CA12: variants seen among roughly 807,000 people sequenced by gnomAD.
The protein encoded by CA12 is carbonate dehydratase XII.
A neutral mutation model predicts 46.8 loss-of-function variants in CA12; 36 were observed. The ratio of observed to expected loss-of-function variants is 0.77; its 90% CI spans 0.59 to 1.02. The LOEUF (loss-of-function observed/expected upper bound fraction) is 1.02. CA12 is among the 50% of genes least tolerant of loss of function. The pLI, the probability that CA12 is intolerant of heterozygous loss-of-function variation, is 0.00. For missense variants in CA12, 436 were observed against 451.4 expected (o/e 0.97, Z 0.31); for synonymous variants, 202 against 187.0 (o/e 1.08, Z -0.65).
chr15:63,326,425 C>T, intron 10 of CA12, 68 bp from the exon 11 acceptor site: 6 of 1,312,210 alleles, frequency 4.6e-6, no homozygotes, highest in South Asian at 1.2e-5. Flanking sequence ...CAGCCTGACT[C>T]AGGTATGGAA....
At position 63,355,503 on chromosome 15, in the gene CA12, C is replaced by G. The variant is rs2039283583; in HGVS notation, c.107-8794G>C. On this transcript the variant is annotated intron_variant, in intron 2 of 10. Coordinates refer to ENST00000178638, the MANE Select transcript of CA12 (RefSeq NM_001218.5). The surrounding 1 kb of genome is among the most constrained non-coding windows in gnomAD (Gnocchi z 4.1). ...ACACTCTGGGGGTGGCGCCCAGCAT[C>G]TGCCGTTGGACAAGGCTGCCAGGCG... Among the ~76,000 whole-genome samples the G allele has an allele frequency of 1.3e-5, 2 of 152,230 alleles. No individual in the cohort carries two copies. Among genetic ancestry groups the G allele is most frequent in the African/African-American group, 4.8e-5 (2 of 41,464 alleles).
Position 63,327,548 on chromosome 15 carries a change from G to C in CA12, c.908-315C>G, listed in dbSNP as rs1422049836. Among the ~76,000 whole-genome samples, 1 of 148,372 alleles carries C rather than the reference G, an allele frequency of 6.7e-6. No homozygotes were observed. The highest frequency in any genetic ancestry group is 1.5e-5 in the Non-Finnish European group (1 of 67,358). ...ACCCCCAGAGATTCAAAGTCAATCT[G>C]TTTGGTGCAGGGCCCGGGAATCTGC... is the stretch of plus-strand genomic sequence containing the variant. On this transcript the variant is annotated intron_variant, in intron 9 of 10. Transcript: ENST00000178638. This position sits in a 1 kb window ranked among gnomAD's most constrained non-coding sequence, Gnocchi z 4.5.
At position 63,376,503 on chromosome 15, in the gene CA12, C is replaced by G. The variant is rs79882216; in HGVS notation, c.86-825G>C. On this transcript the variant is annotated intron_variant, in intron 1 of 10. Coordinates refer to ENST00000178638, the MANE Select transcript of CA12 (RefSeq NM_001218.5). ...AATAGTGTTCTGTGTCTTGCTTTTT[C>G]CCACTTTACATTTTCTCTCTCTCTC... is the stretch of plus-strand genomic sequence containing the variant. Among the ~76,000 whole-genome samples the G allele has an allele frequency of 1.1e-3, 161 of 152,168 alleles. 3 individuals are homozygous for G. In the East Asian group the frequency reaches 0.028, roughly 26 times the overall value.
chr15:63,377,445 TG>T (rs1287232441), intron 1 of CA12, among the ~76,000 whole-genome samples: 6 of 151,922 alleles, frequency 3.9e-5, no homozygotes, highest in Admixed American at 3.9e-4. Flanking sequence ...TTAAGGAAAT[TG>T]TGTTTTTTAA....
In CA12 at chr15:63,329,807, C is replaced by T. The variant is rs1208142526; in HGVS notation, c.875-1677G>A. ...GCCTGGGGAACCAGATCTGAGGCTG[C>T]AGGGTGAGGTTTTGCTCACTGCCCC... On this transcript the variant is annotated intron_variant, in intron 8 of 10. Coordinates refer to ENST00000178638, the MANE Select transcript of CA12 (RefSeq NM_001218.5). The surrounding 1 kb of genome is among the most constrained non-coding windows in gnomAD (Gnocchi z 4.8). Among the ~76,000 whole-genome samples the T allele has an allele frequency of 1.3e-5, 2 of 152,222 alleles. No homozygotes were observed. Among genetic ancestry groups the T allele is most frequent in the Non-Finnish European group, 2.9e-5 (2 of 68,034 alleles).
chr15:63,376,553 CTTTCCTTT>C (rs1452608877), intron 1 of CA12, among the ~76,000 whole-genome samples: 2 of 143,664 alleles, frequency 1.4e-5, no homozygotes, highest in African/African-American at 5.2e-5. Flanking sequence ...CACTCTCTTT[CTTTCCTTT>C]CTTTCTTTCT....
chr15:63,345,728 C>A lies in CA12; in HGVS notation c.287-109G>T, dbSNP rs1464915599. ...ACCCCTGCTGCCACCCCCTGGAGCC[C>A]AGAGAGAGGCAGGTGGATGGAGTGA... is the stretch of plus-strand genomic sequence containing the variant. On this transcript the variant is annotated intron_variant, in intron 3 of 10. Transcript: ENST00000178638. The surrounding 1 kb of genome is among the most constrained non-coding windows in gnomAD (Gnocchi z 4.3). 9 of 1,388,270 alleles carry A rather than the reference C, an allele frequency of 6.5e-6. No individual in the cohort carries two copies. Among genetic ancestry groups the A allele is most frequent in the Non-Finnish European group, 4.9e-6 (5 of 1,012,788 alleles). 86.0% of individuals were successfully genotyped at this position (1,388,270 alleles called of 1,614,324 possible).
At chr15:63,361,927 A>G (rs1045730943) in intron 2 of CA12, among the ~76,000 whole-genome samples, 2 of 152,220 alleles carry the variant, frequency 1.3e-5, no homozygotes, top group African/African-American at 4.8e-5. Flanking sequence ...GTTAAACTCA[A>G]GAACTAGTGA....
In CA12 at chr15:63,322,245, G is replaced by A. The variant is rs1374712643; in HGVS notation, c.*4040C>T. 1 of 152,070 alleles carries A rather than the reference G, an allele frequency of 6.6e-6. No homozygotes were observed. Among genetic ancestry groups the A allele is most frequent in the Non-Finnish European group, 1.5e-5 (1 of 68,012 alleles). 9.4% of individuals were successfully genotyped at this position (152,070 alleles called of 1,614,324 possible). ...ACCAAATATCTACAAGGAAAATCTAGCATCTGAATCGAGTGTGCTGTCAGT... is the reference window on the plus strand; with the variant it reads ...ACCAAATATCTACAAGGAAAATCTAACATCTGAATCGAGTGTGCTGTCAGT... On this transcript the variant is annotated 3_prime_UTR_variant, in exon 11 of 11. Coordinates refer to ENST00000178638, the MANE Select transcript of CA12 (RefSeq NM_001218.5). The surrounding 1 kb of genome is among the most constrained non-coding windows in gnomAD (Gnocchi z 4.1).
intron 2 of CA12, among the ~76,000 whole-genome samples, chr15:63,371,401 G>C (rs571040073): frequency 6.6e-6 from 1 of 152,174 alleles, no homozygotes; most frequent in Non-Finnish European, 1.5e-5. Context: ...CCAGAGCCGA[G>C]GGCCACGAGG....
chr15:63,379,808 G>A (rs1381877703), intron 1 of CA12, among the ~76,000 whole-genome samples: 1 of 152,188 alleles, frequency 6.6e-6, no homozygotes, highest in African/African-American at 2.4e-5. Context: ...TCCACACCAG[G>A]TTTGGGCAGG....
At chr15:63,342,138 T>A in intron 4 of CA12, 41 bp from the exon 5 acceptor site, 1 of 1,313,110 alleles carries the variant, frequency 7.6e-7, no homozygotes, top group South Asian at 1.2e-5. Flanking sequence ...GATAAGCGAC[T>A]CATGGGAGCC....
chr15:63,334,689 G>A (rs1424499377), intron 8 of CA12, among the ~76,000 whole-genome samples: 1 of 152,136 alleles, frequency 6.6e-6, no homozygotes, highest in African/African-American at 2.4e-5. Context: ...AAAAGGGAGA[G>A]AGAAAAAGAA....
chr15:63,358,616 C>T (rs2152622290), intron 2 of CA12, among the ~76,000 whole-genome samples: 1 of 152,300 alleles, frequency 6.6e-6, no homozygotes. Context: ...AGGTGAGAAG[C>T]CATGACTTGA....
At chr15:63,337,295 C>A (rs1196723042) in intron 8 of CA12, among the ~76,000 whole-genome samples, 2 of 152,152 alleles carry the variant, frequency 1.3e-5, no homozygotes, top group Non-Finnish European at 1.5e-5. Flanking sequence ...GTTTCTAAAG[C>A]TTCCTGGAAA....
rs533487694 is a variant in CA12, at chr15:63,329,607, G to T, written c.875-1477C>A. On this transcript the variant is annotated intron_variant, in intron 8 of 10. Coordinates refer to ENST00000178638, the MANE Select transcript of CA12 (RefSeq NM_001218.5). This position sits in a 1 kb window ranked among gnomAD's most constrained non-coding sequence, Gnocchi z 4.8. ...TGTGTGTGTCTTGGAGGAAGAAGGG[G>T]TATTTGTTCTAACTCACACTGGGAG... 4.7e-4 allele frequency among the ~76,000 whole-genome samples: 72 copies of T among 152,308 alleles called. No homozygotes were observed. The highest frequency in any genetic ancestry group is 8.7e-4 in the Non-Finnish European group (59 of 68,032).
chr15:63,381,670 T>C lies in CA12; in HGVS notation c.51A>G (p.Leu17=), dbSNP rs771792723. 1.9e-6 allele frequency: 3 copies of C among 1,611,636 alleles called. No individual in the cohort carries two copies. The South Asian group carries it at 3.3e-5, about 18-fold the overall frequency. ...HAAAVLLLVI[L]KEQPSSPAPV... ...GGGCCGGGCTGGAAGGCTGTTCCTT[T>C]AAGATCACCAGCAGGAGCACGGCCG... The change falls in exon 1 of 11, where the codon TTA becomes TTG. Residue 17 remains leucine (L), a synonymous_variant. Coordinates refer to ENST00000178638, the MANE Select transcript of CA12 (RefSeq NM_001218.5).
rs572269137 is a variant in CA12, at chr15:63,340,570, C to A, written c.590-125G>T. 18 of 1,435,606 alleles carry A rather than the reference C, an allele frequency of 1.3e-5. No individual in the cohort carries two copies. The highest frequency in any genetic ancestry group is 1.7e-5 in the Non-Finnish European group (17 of 1,018,966). The allele number at this position is 1,435,606 out of a possible 1,614,324, so 88.9% of individuals were successfully genotyped here. A position where few individuals can be genotyped will look rare whatever the true frequency, so the allele number is the denominator to read the frequency against. ...CTTTCAGGGTCATCTAACCCCAGGA[C>A]CTGGTTGCAACATTGTTCAACAACC... On this transcript the variant is annotated intron_variant, in intron 6 of 10. Coordinates refer to ENST00000178638, the MANE Select transcript of CA12 (RefSeq NM_001218.5). The surrounding 1 kb of genome is among the most constrained non-coding windows in gnomAD (Gnocchi z 4.4).
chr15:63,346,293 T>C (rs186954721), intron 3 of CA12, among the ~76,000 whole-genome samples: 1 of 152,100 alleles, frequency 6.6e-6, no homozygotes, highest in Non-Finnish European at 1.5e-5. Flanking sequence ...TCCTGCCCCA[T>C]CCTGAGAGAT....
Sources: allele counts gnomAD v4.1 joint callset (sites outside exome capture counted in the v4.1 genomes callset), GRCh38; gene constraint gnomAD v4.1.1; non-coding constraint Gnocchi (gnomAD v3.1); transcripts MANE v1.5; gene names NCBI Gene and HGNC (gene_info 2026-07-23, HGNC 2026-07-21).